Variants in DNASE2B observed in about 807,000 individuals in gnomAD.
DNASE2B encodes the protein deoxyribonuclease 2 beta.
DNASE2B carries 43 observed loss-of-function variants against 46.0 expected under a neutral mutation model. The observed-to-expected ratio is 0.94, with a 90% CI of 0.73 to 1.21. The LOEUF is 1.21. DNASE2B is among the 50% of genes most tolerant of loss of function. The pLI is 0.00. For missense variants in DNASE2B, 395 were observed against 414.4 expected, an observed-to-expected ratio of 0.95 and a Z score of 0.41; for synonymous variants, 156 against 152.5, an observed-to-expected ratio of 1.02 and a Z score of -0.17.
intron 1 of DNASE2B, among the ~76,000 whole-genome samples, chr1:84,399,053 G>A (rs553448220): frequency 1.3e-5 from 2 of 152,278 alleles, no homozygotes; most frequent in South Asian, 4.1e-4. Flanking sequence ...GACTGACAGA[G>A]TAAAGAAGGC....
chr1:84,412,238 CTTTG>C (rs1473923785), intron 4 of DNASE2B, 107 bp from the exon 5 acceptor site: 14 of 1,012,150 alleles, frequency 1.4e-5, no homozygotes, highest in Non-Finnish European at 1.9e-5. Flanking sequence ...AAAGAAATGC[CTTTG>C]TTTTTGTGTT....
At position 84,414,940 on chromosome 1, in the gene DNASE2B, A is replaced by G; in HGVS notation, c.*72A>G. On this transcript the variant is annotated 3_prime_UTR_variant, in exon 6 of 6. Transcript: ENST00000370665. ...GGTCTTCTTCCATTACACCTTCTTT[A>G]TATTTTAAAGGCCTGTGAATATACT... 1 of 1,134,496 alleles carries G rather than the reference A, an allele frequency of 8.8e-7. No homozygotes were observed. The highest frequency in any genetic ancestry group is 2.5e-5 in the East Asian group (1 of 40,394). The allele number at this position is 1,134,496 out of a possible 1,614,324, so 70.3% of individuals were successfully genotyped here. A position where few individuals can be genotyped will look rare whatever the true frequency, so the allele number is the denominator to read the frequency against.
chr1:84,412,242 GT>G, intron 4 of DNASE2B, 106 bp from the exon 5 acceptor site: 1 of 1,053,914 alleles, frequency 9.5e-7, no homozygotes, highest in Non-Finnish European at 1.3e-6. Flanking sequence ...AAATGCCTTT[GT>G]TTTTGTGTTG....
In DNASE2B at chr1:84,412,251, T is replaced by C. The variant is rs796710092; in HGVS notation, c.548-98T>C. On this transcript the variant is annotated intron_variant, in intron 4 of 5. Coordinates refer to ENST00000370665, the MANE Select transcript of DNASE2B (RefSeq NM_021233.3). ...AGAAAGAAATGCCTTTGTTTTTGTG[T>C]TGTTTTGTTTTTAAATCCACAAAAA... The C allele has an allele frequency of 1.4e-5, 16 of 1,117,076 alleles. No individual in the cohort carries two copies. In the African/African-American group the frequency reaches 2.5e-4, roughly 18 times the overall value. 69.2% of individuals were successfully genotyped at this position (1,117,076 alleles called of 1,614,324 possible). A position where few individuals can be genotyped will look rare whatever the true frequency, so the allele number is the denominator to read the frequency against.
At chr1:84,406,556 T>C (rs1031665236) in intron 2 of DNASE2B, among the ~76,000 whole-genome samples, 4 of 152,198 alleles carry the variant, frequency 2.6e-5, no homozygotes, top group Admixed American at 2.0e-4. Flanking sequence ...AACCATTCAA[T>C]ATTTCTTACC....
intron 2 of DNASE2B, among the ~76,000 whole-genome samples, chr1:84,403,823 G>A (rs1401937997): frequency 2.0e-5 from 3 of 151,734 alleles, no homozygotes; most frequent in Non-Finnish European, 4.4e-5. Context: ...GATCTCATTC[G>A]ACACCCAGGC....
intron 5 of DNASE2B, among the ~76,000 whole-genome samples, chr1:84,413,607 A>G (rs1680640685): frequency 6.6e-6 from 1 of 152,134 alleles, no homozygotes; most frequent in South Asian, 2.1e-4. Flanking sequence ...TCTTTAGGTG[A>G]CTGGGTTGCC....
Position 84,414,742 on chromosome 1 carries a change from A to G in DNASE2B, c.960A>G (p.Thr320=). The part of the protein sequence containing the change: ...ISQKGTKNRW[T]CIGDLNRSPH... ...AAAAGGGCACCAAAAATCGCTGGAC[A>G]TGTATTGGAGACCTAAATCGGAGTC... The change falls in exon 6 of 6, where the codon ACA becomes ACG. Residue 320 remains threonine, a synonymous_variant. Transcript: ENST00000370665. The G allele has an allele frequency of 6.2e-7, 1 of 1,614,218 alleles. No individual in the cohort carries two copies. Among genetic ancestry groups the G allele is most frequent in the Non-Finnish European group, 8.5e-7 (1 of 1,180,024 alleles).
At chr1:84,401,436 T>C (rs549874950) in intron 1 of DNASE2B, among the ~76,000 whole-genome samples, 3 of 152,314 alleles carry the variant, frequency 2.0e-5, no homozygotes, top group African/African-American at 7.2e-5. Context: ...TACTTGGTTT[T>C]AGCCCTGAAT....
At chr1:84,409,369 A>G (rs1432692585) in intron 3 of DNASE2B, among the ~76,000 whole-genome samples, 5 of 152,198 alleles carry the variant, frequency 3.3e-5, no homozygotes, top group Non-Finnish European at 5.9e-5. Flanking sequence ...GGCAGTTACT[A>G]TTCAACTTGC....
rs545449983 is a variant in DNASE2B, at chr1:84,414,666, G to A, written c.884G>A (p.Arg295Gln). Reference protein sequence around the residue: ...VYNIKAIKLSRHSYFSSYQDH... With the variant: ...VYNIKAIKLSQHSYFSSYQDH... ...AATATAAAAGCAATTAAATTATCAC[G>A]ACACTCTTATTTCAGTTCTTATCAA... The change falls in exon 6 of 6, where the codon CGA (arginine) becomes CAA (glutamine). Residue 295 changes from arginine to glutamine, a missense_variant. Arg to Gln is a conservative substitution (Grantham distance 43, BLOSUM62 1). Transcript: ENST00000370665. The A allele has an allele frequency of 1.1e-5, 17 of 1,613,954 alleles. No individual in the cohort carries two copies. Among genetic ancestry groups the A allele is most frequent in the African/African-American group, 9.3e-5 (7 of 74,886 alleles).
chr1:84,406,501 A>T (rs1440074972), intron 2 of DNASE2B, among the ~76,000 whole-genome samples: 1 of 152,200 alleles, frequency 6.6e-6, no homozygotes, highest in Non-Finnish European at 1.5e-5. Context: ...TAAAAAGCAT[A>T]AGAAACATGG....
intron 2 of DNASE2B, among the ~76,000 whole-genome samples, chr1:84,407,655 A>G (rs114813836): frequency 0.018 from 2,667 of 152,204 alleles, 82 homozygotes; most frequent in African/African-American, 0.06. Flanking sequence ...GTATCATCAC[A>G]CAAATTAAAT....
At chr1:84,402,234 C>G (rs74651443) in intron 2 of DNASE2B, among the ~76,000 whole-genome samples, 156 bp downstream of exon 2, 57 of 152,322 alleles carry the variant, frequency 3.7e-4, no homozygotes, top group African/African-American at 1.4e-3. Flanking sequence ...CTATCTGAGT[C>G]AATCTGACTA....
chr1:84,400,471 C>A (rs1680385741), intron 1 of DNASE2B, among the ~76,000 whole-genome samples: 1 of 152,154 alleles, frequency 6.6e-6, no homozygotes, highest in African/African-American at 2.4e-5. Context: ...GTGGGATGAG[C>A]AGATTTGGAG....
At chr1:84,412,283 T>C (rs1215273559) in intron 4 of DNASE2B, 66 bp from the exon 5 acceptor site, 3 of 1,315,148 alleles carry the variant, frequency 2.3e-6, no homozygotes, top group South Asian at 4.0e-5. Context: ...AAAAGATCTA[T>C]AATAACAGCA....
At chr1:84,406,792 C>G (rs1469163789) in intron 2 of DNASE2B, among the ~76,000 whole-genome samples, 1 of 152,178 alleles carries the variant, frequency 6.6e-6, no homozygotes, top group Non-Finnish European at 1.5e-5. Flanking sequence ...AATTGAACCT[C>G]TGACAGAGAG....
chr1:84,411,364 C>T lies in DNASE2B; in HGVS notation c.547+365C>T, dbSNP rs117188746. 4.7e-4 allele frequency among the ~76,000 whole-genome samples: 72 copies of T among 151,836 alleles called. 3 individuals carry two copies. In the East Asian group the frequency reaches 0.01, roughly 21 times the overall value. ...TCAGTTCCATCATACTGTGGCTCTA[C>T]AGGAATACAAGCCTAATGATTACAG... On this transcript the variant is annotated intron_variant, in intron 4 of 5. Transcript: ENST00000370665.
At chr1:84,413,482 T>C (rs12029581) in intron 5 of DNASE2B, among the ~76,000 whole-genome samples, 60,832 of 152,088 alleles carry the variant, frequency 0.4, 12,398 homozygotes, top group Middle Eastern at 0.47. Flanking sequence ...TGTGGCACTG[T>C]TGAAATTCTT....
Sources: allele counts gnomAD v4.1 joint callset (sites outside exome capture counted in the v4.1 genomes callset), GRCh38; gene constraint gnomAD v4.1.1; transcripts MANE v1.5; gene names NCBI Gene and HGNC (gene_info 2026-07-23, HGNC 2026-07-21).